Variants in RBFOX1 observed in about 807,000 individuals in gnomAD.
The protein encoded by RBFOX1 is RNA binding protein fox-1 homolog 1.
RBFOX1 carries 8 observed loss-of-function variants against 57.7 expected under a neutral mutation model. The observed-to-expected ratio is 0.14, with a 90% CI of 0.08 to 0.25. The LOEUF is 0.25. Among genes scored for constraint, RBFOX1 ranks in the 10% least tolerant of loss-of-function variants. RBFOX1 has a pLI of 1.00. For missense variants in RBFOX1, 611 were observed against 548.5 expected (o/e 1.11, Z -1.14); for synonymous variants, 326 against 222.4 (o/e 1.47, Z -4.15).
At chr16:7,066,662 T>C (rs1419840663) in intron 4 of RBFOX1, among the ~76,000 whole-genome samples, 8 of 152,222 alleles carry the variant, frequency 5.3e-5, no homozygotes, top group Non-Finnish European at 1.2e-4. Context: ...GCAGCAATTA[T>C]AGAAATCTAT....
chr16:7,443,461 A>G (rs1567193632), intron 4 of RBFOX1, among the ~76,000 whole-genome samples: 1 of 134,024 alleles, frequency 7.5e-6, no homozygotes, highest in Non-Finnish European at 1.6e-5. Flanking sequence ...CCCCTCTCTT[A>G]TAAGATTTCA....
intron 3 of RBFOX1, among the ~76,000 whole-genome samples, chr16:5,756,125 G>T (rs2053384741): frequency 1.3e-5 from 2 of 150,628 alleles, no homozygotes; most frequent in East Asian, 3.9e-4. Context: ...GCTACAGGTG[G>T]TGCCTCAGGG....
intron 4 of RBFOX1, among the ~76,000 whole-genome samples, chr16:7,384,655 G>T (rs1475265622): frequency 2.0e-5 from 3 of 152,164 alleles, no homozygotes; most frequent in Non-Finnish European, 4.4e-5. Flanking sequence ...TTAGTGGAGA[G>T]AATATAAGGT....
intron 3 of RBFOX1, among the ~76,000 whole-genome samples, chr16:5,728,835 C>G (rs34007621): frequency 0.3 from 45,129 of 151,980 alleles, 7,723 homozygotes; most frequent in East Asian, 0.8. Context: ...AGCAAAGTTC[C>G]AAGATCACCT....
intron 1 of RBFOX1, among the ~76,000 whole-genome samples, chr16:6,034,449 A>G (rs1051286585): frequency 6.6e-6 from 1 of 151,658 alleles, no homozygotes; most frequent in South Asian, 2.1e-4. Flanking sequence ...GGCAAGTTCA[A>G]TGTCTAGTGA....
rs1315119908 is a variant in RBFOX1 at position 6,193,364 on chromosome 16, A to ATATATATACACATTATATATATATAC, written c.-126-123623_-126-123622insCACATTATATATATATACTATATATA. On this transcript the variant is annotated intron_variant, in intron 1 of 15. Transcript: ENST00000550418. Reference sequence around the variant, plus strand: ...CTTTACATATATATACATTATATATATATATATATATACATTATATATATA... The same window carrying ATATATATACACATTATATATATATAC: ...CTTTACATATATATACATTATATATATATATATACACATTATATATATATACTATATATATATACATTATATATATA... Among the ~76,000 whole-genome samples, 7 of 120,408 alleles carry ATATATATACACATTATATATATATAC rather than the reference A, an allele frequency of 5.8e-5. No individual in the cohort carries two copies. In the Admixed American group the frequency reaches 6.1e-4, roughly 10 times the overall value. 79.0% of individuals were successfully genotyped at this position (120,408 alleles called of 152,430 possible).
chr16:6,633,469 T>A (rs2098406434), intron 2 of RBFOX1, among the ~76,000 whole-genome samples: 2 of 152,070 alleles, frequency 1.3e-5, no homozygotes, highest in Admixed American at 6.6e-5. Context: ...ATTATTATTT[T>A]TTTTAGTAGA....
intron 4 of RBFOX1, among the ~76,000 whole-genome samples, chr16:7,298,285 G>GTTTT (rs201092743): frequency 4.0e-4 from 39 of 96,582 alleles, no homozygotes; most frequent in East Asian, 8.8e-4. Flanking sequence ...GTTTTTTTTT[G>GTTTT]TTTTTTTTTT....
Position 7,518,280 on chromosome 16 carries a change from G to C in RBFOX1, c.161G>C (p.Gly54Ala). Reference sequence around the variant, plus strand: ...CCCCACCCCGCGCCAGAGTACACAGGCCAGACCACGGTTCCCGAGCACACA... The same window carrying C: ...CCCCACCCCGCGCCAGAGTACACAGCCCAGACCACGGTTCCCGAGCACACA... ...PHPHPAPEYT[G>A]QTTVPEHTLN... The change falls in exon 5 of 16, where the codon GGC becomes GCC. Residue 54 changes from glycine to alanine, a missense_variant. Physicochemically the swap from Gly to Ala is moderately conservative, Grantham distance 60. Transcript: ENST00000550418. 6.2e-7 allele frequency: 1 copy of C among 1,614,136 alleles called. No individual in the cohort carries two copies. The highest frequency in any genetic ancestry group is 1.1e-5 in the South Asian group (1 of 91,070).
chr16:5,467,895 G>A (rs889100233), intron 2 of RBFOX1, among the ~76,000 whole-genome samples: 2 of 152,208 alleles, frequency 1.3e-5, no homozygotes, highest in South Asian at 2.1e-4. Context: ...CTCAAGATTA[G>A]TGTCAAGATA....
intron 1 of RBFOX1, among the ~76,000 whole-genome samples, chr16:6,235,996 C>A (rs1028358009): frequency 1.3e-5 from 2 of 151,862 alleles, no homozygotes; most frequent in African/African-American, 4.8e-5. Flanking sequence ...TCCCCAATAA[C>A]CTATGGAAAT....
intron 2 of RBFOX1, among the ~76,000 whole-genome samples, chr16:6,391,020 C>G (rs551409525): frequency 6.6e-6 from 1 of 152,172 alleles, no homozygotes; most frequent in African/African-American, 2.4e-5. Context: ...TCTCTGGCCT[C>G]TACCCACTAG....
intron 3 of RBFOX1, among the ~76,000 whole-genome samples, chr16:6,751,838 A>G (rs1320426085): frequency 6.6e-6 from 1 of 152,186 alleles, no homozygotes; most frequent in Non-Finnish European, 1.5e-5. Context: ...GTCTCTGACC[A>G]GCTACAATCT....
intron 3 of RBFOX1, among the ~76,000 whole-genome samples, chr16:6,748,685 A>G (rs911983656): frequency 2.0e-5 from 3 of 152,188 alleles, no homozygotes; most frequent in African/African-American, 7.2e-5. Context: ...TATTTGGAGT[A>G]TATAGAATTT....
intron 2 of RBFOX1, among the ~76,000 whole-genome samples, chr16:6,551,574 A>G (rs2096989893): frequency 1.3e-5 from 2 of 152,222 alleles, no homozygotes; most frequent in Admixed American, 1.3e-4. Context: ...TAAAATGTAA[A>G]TTATGACATA....
intron 4 of RBFOX1, among the ~76,000 whole-genome samples, chr16:7,273,211 T>TTCCTTCCTTCCA (rs2095368984): frequency 2.0e-5 from 2 of 98,770 alleles, no homozygotes; most frequent in Non-Finnish European, 4.0e-5. Context: ...CCTCCCTTCC[T>TTCCTTCCTTCCA]TCCTTCCTTC....
intron 3 of RBFOX1, among the ~76,000 whole-genome samples, chr16:6,856,433 A>G (rs2057915372): frequency 6.6e-6 from 1 of 152,148 alleles, no homozygotes; most frequent in African/African-American, 2.4e-5. Context: ...GATCCCACTC[A>G]GGAGACAGCA....
rs553860531 is a variant in RBFOX1 at position 7,305,118 on chromosome 16, T to C, written c.28-213029T>C. Among the ~76,000 whole-genome samples, 172 of 151,950 alleles carry C rather than the reference T, an allele frequency of 1.1e-3. 2 individuals carry two copies. The South Asian group carries it at 0.033, about 29-fold the overall frequency. On this transcript the variant is annotated intron_variant, in intron 4 of 15. Transcript: ENST00000550418. ...GTCTTTGTTGGCATGTGTTAGGGTGTTTGTGTGTGTGTGCGTGTGTGGGTT... is the reference window on the plus strand; with the variant it reads ...GTCTTTGTTGGCATGTGTTAGGGTGCTTGTGTGTGTGTGCGTGTGTGGGTT...
chr16:5,973,015 C>T (rs1020888847), intron 4 of RBFOX1, among the ~76,000 whole-genome samples: 2 of 152,142 alleles, frequency 1.3e-5, no homozygotes, highest in Admixed American at 1.3e-4. Context: ...GCCTGCCTGG[C>T]AGGGTCTTAA....
Sources: gnomAD v4.1 joint callset for allele counts (sites outside exome capture counted in the v4.1 genomes callset) on GRCh38, gnomAD v4.1.1 for gene constraint, MANE v1.5 for transcripts, NCBI Gene and HGNC (gene_info 2026-07-23, HGNC 2026-07-21) for gene names.